The following ADAMTS6 variants were observed in gnomAD, a reference collection of about 807,000 sequenced individuals.
ADAMTS6 encodes A disintegrin and metalloproteinase with thrombospondin motifs 6.
In ADAMTS6, 23 loss-of-function variants were observed where a neutral mutation model predicts 144.3. That is an observed-to-expected ratio of 0.16 (90% CI 0.11 to 0.23). The LOEUF is 0.23. Ranked by LOEUF, ADAMTS6 falls within the 10% of genes least tolerant of loss-of-function variation. The pLI, the probability that ADAMTS6 is intolerant of heterozygous loss-of-function variation, is 1.00. For synonymous variants in ADAMTS6, 444 were observed against 457.5 expected, an observed-to-expected ratio of 0.97 and a Z score of 0.38; for missense variants, 999 against 1,379.6, an observed-to-expected ratio of 0.72 and a Z score of 4.37.
intron 7 of ADAMTS6, among the ~76,000 whole-genome samples, chr5:65,387,401 A>C (rs16893764): frequency 0.06 from 9,070 of 152,284 alleles, 362 homozygotes; most frequent in East Asian, 0.11. Flanking sequence ...TTGTAATTCT[A>C]TATCCAGCAC....
chr5:65,200,160 G>A (rs1205197378), intron 20 of ADAMTS6, among the ~76,000 whole-genome samples: 1 of 151,956 alleles, frequency 6.6e-6, no homozygotes, highest in African/African-American at 2.4e-5. Context: ...AGCATACAAA[G>A]CTCCTTCCAA....
At chr5:65,479,239 A>G (rs184107221) in intron 1 of ADAMTS6, among the ~76,000 whole-genome samples, 216 of 152,296 alleles carry the variant, frequency 1.4e-3, no homozygotes, top group South Asian at 9.9e-3. Flanking sequence ...CACATTTATT[A>G]TCACCTACTG....
intron 7 of ADAMTS6, among the ~76,000 whole-genome samples, chr5:65,344,265 C>T (rs1385808739): frequency 1.3e-5 from 2 of 151,880 alleles, no homozygotes; most frequent in African/African-American, 4.8e-5. Flanking sequence ...GTCCTCTGGG[C>T]CTTTCTTCAT....
rs1752032412 is a variant in ADAMTS6, at chr5:65,149,654, CTGA to C, written c.*2179_*2181del. On this transcript the variant is annotated 3_prime_UTR_variant, in exon 25 of 25. Coordinates refer to ENST00000381055, the MANE Select transcript of ADAMTS6 (RefSeq NM_197941.4). Reference sequence around the variant, plus strand: ...AATCTTTTTGAAATAAGAACATGAGCTGATATTTATGTTGGAGAAAATCAGATC... The same window carrying C: ...AATCTTTTTGAAATAAGAACATGAGCTATTTATGTTGGAGAAAATCAGATC... 1 of 152,616 alleles carries C rather than the reference CTGA, an allele frequency of 6.6e-6. No individual in the cohort carries two copies. 9.5% of individuals were successfully genotyped at this position (152,616 alleles called of 1,614,324 possible).
intron 7 of ADAMTS6, among the ~76,000 whole-genome samples, chr5:65,437,696 A>T (rs1757550866): frequency 6.6e-6 from 1 of 152,252 alleles, no homozygotes; most frequent in African/African-American, 2.4e-5. Flanking sequence ...CATGTGATCA[A>T]ATAGTGTAGT....
intron 1 of ADAMTS6, among the ~76,000 whole-genome samples, chr5:65,475,802 C>A (rs1720398983): frequency 6.6e-6 from 1 of 151,982 alleles, no homozygotes; most frequent in African/African-American, 2.4e-5. Flanking sequence ...AGGTAATAAC[C>A]AGAAAGGTAG....
rs562524911 is a variant in ADAMTS6 at position 65,308,925 on chromosome 5, A to C, written c.1224-8794T>G. Among the ~76,000 whole-genome samples the C allele has an allele frequency of 2.6e-5, 4 of 152,342 alleles. No homozygotes were observed. The East Asian group carries it at 7.7e-4, about 29-fold the overall frequency. ...CTATTATAAAACTATGGTAATTAAA[A>C]GCAATATGATATTGGCAACCTTTTC... On this transcript the variant is annotated intron_variant, in intron 9 of 24. Coordinates refer to ENST00000381055, the MANE Select transcript of ADAMTS6 (RefSeq NM_197941.4).
chr5:65,226,559 A>C (rs1009342760), intron 15 of ADAMTS6, among the ~76,000 whole-genome samples: 1 of 151,970 alleles, frequency 6.6e-6, no homozygotes, highest in Non-Finnish European at 1.5e-5. Flanking sequence ...AAGGTAATTG[A>C]ATGTTTTTTA....
intron 19 of ADAMTS6, 100 bp from the exon 20 acceptor site, chr5:65,215,032 T>C: frequency 2.8e-6 from 4 of 1,426,174 alleles, no homozygotes; most frequent in Non-Finnish European, 3.8e-6. Context: ...AAACAAGTCT[T>C]ACAGGAAACT....
At chr5:65,405,120 C>A (rs1447235454) in intron 7 of ADAMTS6, among the ~76,000 whole-genome samples, 1 of 152,130 alleles carries the variant, frequency 6.6e-6, no homozygotes, top group African/African-American at 2.4e-5. Flanking sequence ...ATGGTAGTTT[C>A]TTTTGCTGTG....
chr5:65,409,789 T>C (rs990428568), intron 7 of ADAMTS6, among the ~76,000 whole-genome samples: 5 of 152,048 alleles, frequency 3.3e-5, no homozygotes, highest in African/African-American at 9.7e-5. Flanking sequence ...CATCAAAAAG[T>C]TTATTCACCA....
At chr5:65,375,922 T>C (rs1200358209) in intron 7 of ADAMTS6, among the ~76,000 whole-genome samples, 1 of 152,194 alleles carries the variant, frequency 6.6e-6, no homozygotes, top group Non-Finnish European at 1.5e-5. Context: ...CATGGAATAC[T>C]ATGCAGCCGT....
At chr5:65,181,219 G>A (rs531125220) in intron 22 of ADAMTS6, among the ~76,000 whole-genome samples, 1 of 152,136 alleles carries the variant, frequency 6.6e-6, no homozygotes, top group Non-Finnish European at 1.5e-5. Flanking sequence ...AGAAACCAAG[G>A]CATGCAATAA....
intron 10 of ADAMTS6, among the ~76,000 whole-genome samples, chr5:65,291,857 T>A (rs929090480): frequency 2.0e-5 from 3 of 151,956 alleles, no homozygotes; most frequent in Non-Finnish European, 2.9e-5. Flanking sequence ...AAAAAAAAAA[T>A]AATTATGGTT....
intron 7 of ADAMTS6, among the ~76,000 whole-genome samples, chr5:65,364,115 T>C (rs1489065836): frequency 1.1e-4 from 17 of 152,180 alleles, no homozygotes; most frequent in Admixed American, 1.1e-3. Context: ...TTCATCCATC[T>C]AAAAAGCCAA....
intron 7 of ADAMTS6, among the ~76,000 whole-genome samples, chr5:65,403,146 A>G (rs144167256): frequency 7.8e-4 from 119 of 151,976 alleles, no homozygotes; most frequent in African/African-American, 2.8e-3. Flanking sequence ...CCTTGAAACA[A>G]TTTTTTCACT....
intron 7 of ADAMTS6, among the ~76,000 whole-genome samples, chr5:65,340,772 A>C (rs1384598503): frequency 6.6e-6 from 1 of 152,116 alleles, no homozygotes; most frequent in East Asian, 1.9e-4. Flanking sequence ...ACCGAAACCA[A>C]AAGAGAGCAG....
chr5:65,220,929 T>C (rs1757281285), intron 18 of ADAMTS6, among the ~76,000 whole-genome samples: 1 of 152,184 alleles, frequency 6.6e-6, no homozygotes, highest in South Asian at 2.1e-4. Context: ...TTACAGATCC[T>C]ACAGATATTA....
chr5:65,452,951 A>G, intron 4 of ADAMTS6, 33 bp from the exon 5 acceptor site: 1 of 1,514,800 alleles, frequency 6.6e-7, no homozygotes, highest in South Asian at 1.2e-5. Flanking sequence ...AGATAGGTTC[A>G]CTAATTAAAA....
Sources: gnomAD v4.1 joint callset for allele counts (sites outside exome capture counted in the v4.1 genomes callset) on GRCh38, gnomAD v4.1.1 for gene constraint, MANE v1.5 for transcripts, NCBI Gene and HGNC (gene_info 2026-07-23, HGNC 2026-07-21) for gene names.